The following IRAG1 variants were observed in gnomAD, a reference collection of about 807,000 sequenced individuals.
The protein encoded by IRAG1 is inositol 1,4,5-triphosphate receptor associated 1.
In IRAG1, 62 loss-of-function variants were observed where a neutral mutation model predicts 106.2. The ratio of observed to expected loss-of-function variants is 0.58; its 90% CI spans 0.48 to 0.72. The LOEUF is 0.72. Ranked by LOEUF, IRAG1 falls within the 30% of genes least tolerant of loss-of-function variation. The probability of loss-of-function intolerance (pLI) is 0.00; values close to 1 mark genes in which losing one functional copy is unlikely to be tolerated. For synonymous variants in IRAG1, 462 were observed against 443.9 expected (o/e 1.04, Z -0.51); for missense variants, 1,064 against 1,140.7 (o/e 0.93, Z 0.97).
At chr11:10,687,881 G>T in intron 1 of IRAG1, 2 of 1,058,878 alleles carry the variant, frequency 1.9e-6, no homozygotes, top group Non-Finnish European at 2.5e-6. Flanking sequence ...TTTTTTGGGG[G>T]GGGGTGGTAT....
intron 10 of IRAG1, among the ~76,000 whole-genome samples, chr11:10,623,278 G>A (rs1455099247): frequency 1.3e-5 from 2 of 152,200 alleles, no homozygotes; most frequent in African/African-American, 4.8e-5. Flanking sequence ...GGGAGGCAGT[G>A]CGGGGGCTGA....
In IRAG1 at chr11:10,576,357, T is replaced by C; in HGVS notation, c.2714A>G (p.Gln905Arg). ...QRDSWWSSGL[Q>R]HEQPTEQ is the part of the protein sequence containing the mutation. ...CTACTGCTCTGTAGGCTGCTCATGC[T>C]GGAGTCCTGAGCTCCACCAGGAGTC... Residue 905 changes from glutamine (Q) to arginine (R), a missense_variant, in exon 21 of 21, where the codon CAG becomes CGG. Gln to Arg is a conservative substitution (Grantham distance 43). Coordinates refer to ENST00000423302, the MANE Select transcript of IRAG1 (RefSeq NM_130385.4). 6.2e-7 allele frequency: 1 copy of C among 1,613,928 alleles called. No homozygotes were observed. Among genetic ancestry groups the C allele is most frequent in the Non-Finnish European group, 8.5e-7 (1 of 1,179,866 alleles).
chr11:10,661,228 T>C (rs1352115544), intron 1 of IRAG1, among the ~76,000 whole-genome samples: 1 of 152,210 alleles, frequency 6.6e-6, no homozygotes, highest in African/African-American at 2.4e-5. Context: ...TTACACCCTT[T>C]GCATACATCC....
chr11:10,679,602 T>C (rs1033729532), intron 1 of IRAG1, among the ~76,000 whole-genome samples: 4 of 152,206 alleles, frequency 2.6e-5, no homozygotes, highest in Non-Finnish European at 5.9e-5. Flanking sequence ...GGCAGAAGGT[T>C]TGTGAGCTGA....
At chr11:10,686,940 A>G (rs1861701293) in intron 1 of IRAG1, among the ~76,000 whole-genome samples, 1 of 152,230 alleles carries the variant, frequency 6.6e-6, no homozygotes, top group Non-Finnish European at 1.5e-5. Flanking sequence ...GAGTTAAGAG[A>G]TCACTTGCTC....
intron 9 of IRAG1, 126 bp downstream of exon 9, chr11:10,625,840 C>G: frequency 1.0e-6 from 1 of 953,980 alleles, no homozygotes; most frequent in Non-Finnish European, 1.4e-6. Context: ...GGAAAATTTA[C>G]GCCCTCACAA....
intron 10 of IRAG1, among the ~76,000 whole-genome samples, chr11:10,610,217 C>T (rs1183967943): frequency 1.3e-5 from 2 of 152,236 alleles, no homozygotes; most frequent in Non-Finnish European, 1.5e-5. Context: ...AAACCTGCTC[C>T]TTGGCAGGCT....
chr11:10,608,626 C>G (rs1854677967), intron 11 of IRAG1, among the ~76,000 whole-genome samples: 1 of 152,152 alleles, frequency 6.6e-6, no homozygotes. Flanking sequence ...TTTTAAGTGA[C>G]TATTTGTATA....
At chr11:10,649,803 G>A (rs1029610604) in intron 2 of IRAG1, among the ~76,000 whole-genome samples, 2 of 152,096 alleles carry the variant, frequency 1.3e-5, no homozygotes, top group Admixed American at 1.3e-4. Context: ...TTGGCTAGTG[G>A]GAGCTCCAAA....
At chr11:10,583,944 G>C (rs535378780) in intron 18 of IRAG1, among the ~76,000 whole-genome samples, 1 of 152,262 alleles carries the variant, frequency 6.6e-6, no homozygotes, top group African/African-American at 2.4e-5. Flanking sequence ...GGTCTGTGGA[G>C]AGAGGAGGGG....
Position 10,665,142 on chromosome 11 carries a change from A to G in IRAG1, c.68-12960T>C, listed in dbSNP as rs11042914. On this transcript the variant is annotated intron_variant, in intron 1 of 20. Coordinates refer to ENST00000423302, the MANE Select transcript of IRAG1 (RefSeq NM_130385.4). This position sits in a 1 kb window ranked among gnomAD's most constrained non-coding sequence, Gnocchi z 4.2. ...GTGCTGCTTACCTAACCCTAACCCT[A>G]ACCCTAACCCTGAGAGTTTAAGCTG... is the stretch of plus-strand genomic sequence containing the variant. Among the ~76,000 whole-genome samples the G allele has an allele frequency of 1.0e-3, 155 of 151,950 alleles. No individual in the cohort carries two copies. The highest frequency in any genetic ancestry group is 6.8e-3 in the Middle Eastern group (2 of 292).
At position 10,640,772 on chromosome 11, in the gene IRAG1, G is replaced by C. The variant is rs549162687; in HGVS notation, c.226-6701C>G. On this transcript the variant is annotated intron_variant, in intron 2 of 20. Coordinates refer to ENST00000423302, the MANE Select transcript of IRAG1 (RefSeq NM_130385.4). ...GTTGGCCAGACAACCTACTGGCTTA[G>C]GGGCTTCAGGGCCTCAGGCTCAGAA... Among the ~76,000 whole-genome samples, 13 of 152,338 alleles carry C rather than the reference G, an allele frequency of 8.5e-5. No homozygotes were observed. The South Asian group carries it at 2.7e-3, about 32-fold the overall frequency.
rs1850818534 is a variant in IRAG1, at chr11:10,576,445, T to C, written c.2626A>G (p.Asn876Asp). 1 of 1,613,850 alleles carries C rather than the reference T, an allele frequency of 6.2e-7. No homozygotes were observed. Among genetic ancestry groups the C allele is most frequent in the South Asian group, 1.1e-5 (1 of 91,086 alleles). The change falls in exon 21 of 21, where the codon AAC becomes GAC. Residue 876 changes from asparagine (N) to aspartate (D), a missense_variant. By Grantham distance (23) the Asn-to-Asp change is conservative. Transcript: ENST00000423302. Reference sequence around the variant, plus strand: ...CCATCAGCCTGCTCTGCACAAGAGTTATAGGAATTGTAGAGCCCCAGCACA... The same window carrying C: ...CCATCAGCCTGCTCTGCACAAGAGTCATAGGAATTGTAGAGCCCCAGCACA... ...TVVLGLYNSY[N>D]SCAEQADGPL...
At chr11:10,617,924 G>A (rs1428672993) in intron 10 of IRAG1, among the ~76,000 whole-genome samples, 1 of 146,890 alleles carries the variant, frequency 6.8e-6, no homozygotes, top group African/African-American at 2.7e-5. Context: ...TTTCAGGCCA[G>A]CTCTCACAAT....
intron 1 of IRAG1, among the ~76,000 whole-genome samples, chr11:10,666,214 C>T (rs1859774028): frequency 6.6e-6 from 1 of 152,178 alleles, no homozygotes; most frequent in Non-Finnish European, 1.5e-5. Context: ...ATTTATTGTA[C>T]CAGGTGCTCT....
chr11:10,653,167 T>C (rs1858659917), intron 1 of IRAG1, among the ~76,000 whole-genome samples: 1 of 152,130 alleles, frequency 6.6e-6, no homozygotes, highest in South Asian at 2.1e-4. Flanking sequence ...TGTGAAGATA[T>C]GAGACCTGGT....
intron 1 of IRAG1, among the ~76,000 whole-genome samples, chr11:10,680,546 G>GAAGGAA (rs143705702): frequency 2.8e-4 from 40 of 140,352 alleles, no homozygotes; most frequent in Middle Eastern, 7.0e-3. Flanking sequence ...GAAGGGGAAG[G>GAAGGAA]GGAAGGGGAA....
In IRAG1 at chr11:10,627,711, C is replaced by T. The variant is rs1175586777; in HGVS notation, c.750+5G>A. Reference sequence around the variant, plus strand: ...TCATCCAAAGGGAGCAAAGCTCAAACTCACAGGCTCGCCAGGGTGAGGTGA... The same window carrying T: ...TCATCCAAAGGGAGCAAAGCTCAAATTCACAGGCTCGCCAGGGTGAGGTGA... On this transcript the variant is annotated splice_donor_5th_base_variant and intron_variant, in intron 8 of 20. Transcript: ENST00000423302. 3.7e-6 allele frequency: 6 copies of T among 1,613,886 alleles called. No individual in the cohort carries two copies. The highest frequency in any genetic ancestry group is 4.2e-6 in the Non-Finnish European group (5 of 1,179,890).
At chr11:10,639,671 T>A (rs1857379281) in intron 2 of IRAG1, among the ~76,000 whole-genome samples, 3 of 152,148 alleles carry the variant, frequency 2.0e-5, no homozygotes, top group Admixed American at 2.0e-4. Context: ...CCTGCCCAGA[T>A]CCTCTGTCTA....
Sources: gnomAD v4.1 joint callset for allele counts (sites outside exome capture counted in the v4.1 genomes callset) on GRCh38, gnomAD v4.1.1 for gene constraint, Gnocchi (gnomAD v3.1) non-coding constraint, MANE v1.5 for transcripts, NCBI Gene and HGNC (gene_info 2026-07-23, HGNC 2026-07-21) for gene names.